Variants in XPO4 observed in about 807,000 individuals in gnomAD.
XPO4 encodes the protein exportin-4.
Under a neutral mutation model 143.0 loss-of-function variants are expected in XPO4, and 39 were observed. The observed-to-expected ratio is 0.27, with a 90% CI of 0.21 to 0.36. XPO4 has a LOEUF of 0.36. XPO4 is among the 10% of genes least tolerant of loss of function. XPO4 has a pLI of 1.00. For missense variants in XPO4, 907 were observed against 1,348.0 expected, an observed-to-expected ratio of 0.67 and a Z score of 5.12; for synonymous variants, 439 against 474.0, an observed-to-expected ratio of 0.93 and a Z score of 0.96.
chr13:20,841,711 GT>G (rs2059975665), intron 6 of XPO4, among the ~76,000 whole-genome samples: 1 of 151,932 alleles, frequency 6.6e-6, no homozygotes, highest in Admixed American at 6.6e-5. Flanking sequence ...GGAAGAAGGA[GT>G]TATACCCCAC....
chr13:20,868,847 A>G (rs186790335), intron 1 of XPO4, 146 bp from the exon 2 acceptor site: 20 of 660,780 alleles, frequency 3.0e-5, no homozygotes, highest in African/African-American at 2.5e-4. Flanking sequence ...AAGGAATTAT[A>G]GTATAAAACT....
chr13:20,854,404 C>A (rs774520389), intron 4 of XPO4, among the ~76,000 whole-genome samples: 2 of 152,142 alleles, frequency 1.3e-5, no homozygotes, highest in African/African-American at 4.8e-5. Flanking sequence ...CTAAAATACA[C>A]CACAGCATCT....
At chr13:20,847,930 T>C (rs548108624) in intron 4 of XPO4, among the ~76,000 whole-genome samples, 1 of 152,364 alleles carries the variant, frequency 6.6e-6, no homozygotes, top group South Asian at 2.1e-4. Context: ...CAAACATTTT[T>C]AATGAAACGT....
At chr13:20,799,011 A>G (rs577708978) in intron 16 of XPO4, among the ~76,000 whole-genome samples, 154 bp downstream of exon 16, 1 of 150,526 alleles carries the variant, frequency 6.6e-6, no homozygotes, top group East Asian at 1.9e-4. Context: ...ACAGAGTAAG[A>G]CCCTATCTCA....
At chr13:20,874,331 C>G (rs983697395) in intron 1 of XPO4, among the ~76,000 whole-genome samples, 2 of 152,158 alleles carry the variant, frequency 1.3e-5, no homozygotes, top group African/African-American at 4.8e-5. Flanking sequence ...TATCATAGAG[C>G]TCATTTAAGG....
chr13:20,786,705 G>A (rs1484964961), intron 22 of XPO4, among the ~76,000 whole-genome samples: 1 of 152,066 alleles, frequency 6.6e-6, no homozygotes, highest in African/African-American at 2.4e-5. Context: ...AGGCTTTGGG[G>A]CAGTGACCAT....
chr13:20,879,737 T>C (rs1007774282), intron 1 of XPO4, among the ~76,000 whole-genome samples: 3 of 152,140 alleles, frequency 2.0e-5, no homozygotes, highest in Non-Finnish European at 4.4e-5. Context: ...AATTAAAAAC[T>C]TCTGTACATC....
chr13:20,885,041 G>GCAA (rs1245456785), intron 1 of XPO4, among the ~76,000 whole-genome samples: 4 of 152,142 alleles, frequency 2.6e-5, no homozygotes, highest in Admixed American at 2.0e-4. Context: ...TCGGCTCACT[G>GCAA]CAACCTCCAC....
At chr13:20,790,238 T>C (rs2059262792) in intron 19 of XPO4, among the ~76,000 whole-genome samples, 1 of 152,210 alleles carries the variant, frequency 6.6e-6, no homozygotes, top group South Asian at 2.1e-4. Context: ...GTCACTAATG[T>C]ATGGGTGCCT....
Position 20,809,108 on chromosome 13 carries a change from C to G in XPO4, c.1468G>C (p.Glu490Gln). The change falls in exon 11 of 23, where the codon GAA (glutamate) becomes CAA (glutamine). Residue 490 changes from glutamate (E) to glutamine (Q), a missense_variant. Physicochemically the swap from Glu to Gln is conservative, Grantham distance 29. Transcript: ENST00000255305. Reference sequence around the variant, plus strand: ...CTTGTCAGAAGAGGTATACAGTGTTCTGCAGCAATTCTTCCTAGCATTCCT... The same window carrying G: ...CTTGTCAGAAGAGGTATACAGTGTTGTGCAGCAATTCTTCCTAGCATTCCT... ...SVGMLGRIAA[E>Q]HCIPLLTSLL... The G allele has an allele frequency of 6.2e-7, 1 of 1,613,976 alleles. No homozygotes were observed.
intron 9 of XPO4, among the ~76,000 whole-genome samples, chr13:20,820,778 G>A (rs1179730962): frequency 1.3e-5 from 2 of 152,062 alleles, no homozygotes; most frequent in East Asian, 3.9e-4. Flanking sequence ...TCATTCTCGA[G>A]TTCTCTATTC....
At chr13:20,878,643 A>G (rs2060377685) in intron 1 of XPO4, among the ~76,000 whole-genome samples, 1 of 152,354 alleles carries the variant, frequency 6.6e-6, no homozygotes, top group South Asian at 2.1e-4. Context: ...ATTTGCGGGA[A>G]GAGTATAAAA....
chr13:20,856,810 G>C, intron 3 of XPO4: 2 of 980,036 alleles, frequency 2.0e-6, no homozygotes, highest in Non-Finnish European at 2.4e-6. Context: ...TGACTTCCAG[G>C]CCTCTGAACT....
rs754544961 is a variant in XPO4 at position 20,799,237 on chromosome 13, T to C, written c.2250A>G (p.Thr750=). The C allele has an allele frequency of 2.5e-6, 4 of 1,613,922 alleles. No homozygotes were observed. The East Asian group carries it at 6.7e-5, about 27-fold the overall frequency. The part of the protein sequence containing the change: ...LNFLSSPVQR[T]LMKALVLGGF... ...CTCCTAAGACTAGAGCCTTCATCAATGTCCTCTGCACAGGACTTGACAAGA... is the reference window on the plus strand; with the variant it reads ...CTCCTAAGACTAGAGCCTTCATCAACGTCCTCTGCACAGGACTTGACAAGA... The change falls in exon 16 of 23, where the codon ACA becomes ACG. Residue 750 remains threonine (T), a synonymous_variant. Coordinates refer to ENST00000255305, the MANE Select transcript of XPO4 (RefSeq NM_022459.5).
At chr13:20,883,274 G>T (rs558531913) in intron 1 of XPO4, among the ~76,000 whole-genome samples, 1 of 152,318 alleles carries the variant, frequency 6.6e-6, no homozygotes, top group Non-Finnish European at 1.5e-5. Context: ...TGAGGAGAAA[G>T]AAAGGAAAGA....
chr13:20,803,431 A>G lies in XPO4; in HGVS notation c.1818-2441T>C, dbSNP rs1430386764. Among the ~76,000 whole-genome samples the G allele has an allele frequency of 6.6e-6, 1 of 152,208 alleles. No individual in the cohort carries two copies. The highest frequency in any genetic ancestry group is 1.9e-4 in the East Asian group (1 of 5,188). ...AGAAACATCAATGAAAGAACCACTC[A>G]GCCTGAGTCAGGCAGGTCCAGGGGA... On this transcript the variant is annotated intron_variant, in intron 13 of 22. Transcript: ENST00000255305. The surrounding 1 kb of genome is among the most constrained non-coding windows in gnomAD (Gnocchi z 4.1).
intron 16 of XPO4, 73 bp from the exon 17 acceptor site, chr13:20,797,130 C>T: frequency 7.1e-7 from 1 of 1,408,062 alleles, no homozygotes; most frequent in African/African-American, 1.4e-5. Context: ...GATACATATT[C>T]ACTTTCCAAA....
intron 4 of XPO4, chr13:20,852,865 T>C: frequency 1.0e-6 from 1 of 984,754 alleles, no homozygotes; most frequent in Non-Finnish European, 1.2e-6. Flanking sequence ...AAATTGTTAA[T>C]ATTTATAAAT....
chr13:20,835,345 A>G (rs2059903224), intron 6 of XPO4, among the ~76,000 whole-genome samples: 1 of 152,210 alleles, frequency 6.6e-6, no homozygotes, highest in East Asian at 1.9e-4. Context: ...AAATAATGAT[A>G]AAATAAAATT....
Sources: allele counts gnomAD v4.1 joint callset (sites outside exome capture counted in the v4.1 genomes callset), GRCh38; gene constraint gnomAD v4.1.1; non-coding constraint Gnocchi (gnomAD v3.1); transcripts MANE v1.5; gene names NCBI Gene and HGNC (gene_info 2026-07-23, HGNC 2026-07-21).